Variants in SEC16B observed in about 807,000 individuals in gnomAD.
SEC16B encodes protein transport protein Sec16B.
A neutral mutation model predicts 141.8 loss-of-function variants in SEC16B; 115 were observed. The observed-to-expected ratio is 0.81, with a 90% CI of 0.70 to 0.95. SEC16B has a LOEUF of 0.95. Ranked by LOEUF, SEC16B falls within the 40% of genes least tolerant of loss-of-function variation. The pLI is 0.00. For synonymous variants in SEC16B, 493 were observed against 492.5 expected (o/e 1.00, Z -0.01); for missense variants, 1,291 against 1,312.3 (o/e 0.98, Z 0.25).
At chr1:177,942,323 G>A (rs145013448) in intron 15 of SEC16B, among the ~76,000 whole-genome samples, 1 of 152,298 alleles carries the variant, frequency 6.6e-6, no homozygotes, top group Non-Finnish European at 1.5e-5. Context: ...TATTTATTGG[G>A]TAGCCCCACA....
rs1175867310 is a variant in SEC16B, at chr1:177,967,847, C to A, written c.135G>T (p.Arg45Ser). The A allele has an allele frequency of 1.2e-6, 2 of 1,613,986 alleles. No homozygotes were observed. Among genetic ancestry groups the A allele is most frequent in the South Asian group, 1.1e-5 (1 of 91,080 alleles). Residue 45 changes from arginine (R) to serine (S), a missense_variant, in exon 2 of 26, where the codon AGG becomes AGT. Arg to Ser is a moderately radical substitution (Grantham distance 110). Coordinates refer to ENST00000308284, the MANE Select transcript of SEC16B (RefSeq NM_033127.4). ...CACGGTTGTCTTGCCATTGGTGAAA[C>A]CTCTCTCCATTGTGCCAAGAGTGAG... is the stretch of plus-strand genomic sequence containing the variant. ...PVPHSWHNGE[R>S]FHQWQDNRGS...
chr1:177,961,456 C>T, intron 6 of SEC16B, 134 bp downstream of exon 6: 2 of 883,162 alleles, frequency 2.3e-6, no homozygotes, highest in Admixed American at 3.2e-5. Context: ...CAAAGTTGAC[C>T]TCTCTGCCCA....
intron 8 of SEC16B, 90 bp downstream of exon 8, chr1:177,960,243 TCCAAGGAAA>T: frequency 1.2e-6 from 1 of 809,724 alleles, no homozygotes; most frequent in Admixed American, 2.2e-5. Flanking sequence ...GATATTTTTT[TCCAAGGAAA>T]CCAAGAACAA....
At chr1:177,933,703 C>T in intron 20 of SEC16B, 67 bp from the exon 21 acceptor site, 1 of 1,515,950 alleles carries the variant, frequency 6.6e-7, no homozygotes, top group Non-Finnish European at 9.1e-7. Flanking sequence ...TTTGCACATA[C>T]TCCCTCACCT....
At chr1:177,969,099 T>C (rs57728699) in intron 1 of SEC16B, among the ~76,000 whole-genome samples, 1 of 152,172 alleles carries the variant, frequency 6.6e-6, no homozygotes, top group African/African-American at 2.4e-5. Flanking sequence ...TCGGCCTCGA[T>C]TTTTTTCTTC....
chr1:177,940,580 C>T, intron 17 of SEC16B, 30 bp downstream of exon 17: 2 of 1,513,402 alleles, frequency 1.3e-6, no homozygotes. Flanking sequence ...AGGCCAGTCC[C>T]CCCAACGCCC....
chr1:177,962,261 G>C (rs965218541), intron 5 of SEC16B, among the ~76,000 whole-genome samples: 3 of 151,852 alleles, frequency 2.0e-5, no homozygotes, highest in Non-Finnish European at 2.9e-5. Context: ...TAGTAGAGAT[G>C]GGGTTTCACC....
At chr1:177,952,074 C>A in intron 11 of SEC16B, 79 bp from the exon 12 acceptor site, 1 of 1,220,930 alleles carries the variant, frequency 8.2e-7, no homozygotes, top group Admixed American at 2.0e-5. Context: ...CAGGGCCTTG[C>A]ATAATTCTAT....
intron 20 of SEC16B, among the ~76,000 whole-genome samples, chr1:177,935,573 T>G (rs747171518): frequency 5.9e-5 from 9 of 152,088 alleles, no homozygotes; most frequent in Non-Finnish European, 7.4e-5. Context: ...AGAAAAATAT[T>G]CTGACTGTTG....
chr1:177,946,084 C>T (rs1651680352), intron 14 of SEC16B: 4 of 557,530 alleles, frequency 7.2e-6, no homozygotes, highest in African/African-American at 3.8e-5. Flanking sequence ...ACCCACAAGC[C>T]TCCACATGTA....
chr1:177,946,199 AGAG>A (rs1478958523), intron 14 of SEC16B: 2 of 617,316 alleles, frequency 3.2e-6, no homozygotes, highest in Non-Finnish European at 5.8e-6. Flanking sequence ...ACCTCTTTGC[AGAG>A]GAGGACCTGT....
chr1:177,979,303 A>G (rs975268406), intron 1 of SEC16B, among the ~76,000 whole-genome samples: 6 of 152,222 alleles, frequency 3.9e-5, no homozygotes, highest in Non-Finnish European at 5.9e-5. Context: ...GAATTCAAAG[A>G]TTAATTTCTG....
chr1:177,958,692 ATTGACATTTG>A, intron 9 of SEC16B, 138 bp downstream of exon 9: 1 of 997,316 alleles, frequency 1.0e-6, no homozygotes, highest in Non-Finnish European at 1.4e-6. Flanking sequence ...GCAAACTCGC[ATTGACATTTG>A]AGCAATTTTT....
At chr1:177,933,768 G>A (rs1396862925) in intron 20 of SEC16B, 132 bp from the exon 21 acceptor site, 1 of 903,776 alleles carries the variant, frequency 1.1e-6, no homozygotes, top group Admixed American at 2.6e-5. Context: ...GTACTGAAGA[G>A]GAAGGAAGGC....
upstream of SEC16B, among the ~76,000 whole-genome samples, chr1:177,972,358 C>T (rs1282365765): frequency 2.0e-5 from 3 of 152,152 alleles, no homozygotes; most frequent in Admixed American, 1.3e-4. Context: ...CTAAGTCTTT[C>T]GACCTGGCAG....
At chr1:177,973,225 G>A (rs1425689862), upstream of SEC16B, 1 of 152,194 alleles carries the variant, frequency 6.6e-6, no homozygotes. Flanking sequence ...AGGAATCCTT[G>A]AGCACTGTGA....
intron 18 of SEC16B, among the ~76,000 whole-genome samples, 183 bp downstream of exon 18, chr1:177,939,519 T>C (rs1651114680): frequency 1.3e-5 from 2 of 152,072 alleles, no homozygotes. Context: ...CTTAGAAGTG[T>C]TAGGGATGTG....
At chr1:177,940,759 G>A (rs1010613943) in intron 16 of SEC16B, 45 bp from the exon 17 acceptor site, 2 of 1,288,530 alleles carry the variant, frequency 1.6e-6, no homozygotes, top group African/African-American at 1.5e-5. Flanking sequence ...AGTAAGAGAG[G>A]AGAGGAGAGA....
Position 177,933,084 on chromosome 1 carries a change from A to G in SEC16B, c.2823+130T>C. ...ACCCATTCATTTCCCACCATATCCC[A>G]TCACAAAACCTCTGTCTCATGTGGC... On this transcript the variant is annotated intron_variant, in intron 22 of 25. Coordinates refer to ENST00000308284, the MANE Select transcript of SEC16B (RefSeq NM_033127.4). 2.7e-5 allele frequency: 20 copies of G among 740,870 alleles called. No homozygotes were observed. In the South Asian group the frequency reaches 3.6e-4, roughly 13 times the overall value. The allele number at this position is 740,870 out of a possible 1,614,324, so 45.9% of individuals were successfully genotyped here. A position where few individuals can be genotyped will look rare whatever the true frequency, so the allele number is the denominator to read the frequency against.
Sources: gnomAD v4.1 joint callset for allele counts (sites outside exome capture counted in the v4.1 genomes callset) on GRCh38, gnomAD v4.1.1 for gene constraint, MANE v1.5 for transcripts, NCBI Gene and HGNC (gene_info 2026-07-23, HGNC 2026-07-21) for gene names.